PIAS4: variants seen among roughly 807,000 people sequenced by gnomAD.
PIAS4 encodes the protein E3 SUMO-protein ligase PIAS4.
In PIAS4, 7 loss-of-function variants were observed where a neutral mutation model predicts 58.0. That is an observed-to-expected ratio of 0.12 (90% CI 0.07 to 0.23). PIAS4 has a LOEUF of 0.23. PIAS4 is among the 10% of genes least tolerant of loss of function. The pLI is 1.00. For synonymous variants in PIAS4, 364 were observed against 312.4 expected (o/e 1.17, Z -1.74); for missense variants, 550 against 709.5 (o/e 0.78, Z 2.55).
In PIAS4 at chr19:4,013,685, G is replaced by A. The variant is rs534980715; in HGVS notation, c.454+336G>A. ...CTGGAGCCACCTCATCTGGAGGCTC[G>A]ACCAGGGCTGGAGCAGGCACATCCT... On this transcript the variant is annotated intron_variant, in intron 2 of 10. Transcript: ENST00000262971. This position sits in a 1 kb window ranked among gnomAD's most constrained non-coding sequence, Gnocchi z 5.1. Among the ~76,000 whole-genome samples the A allele has an allele frequency of 1.3e-5, 2 of 152,200 alleles. No individual in the cohort carries two copies. Among genetic ancestry groups the A allele is most frequent in the Admixed American group, 6.5e-5 (1 of 15,302 alleles).
rs1212472542 is a variant in PIAS4 at position 4,021,254 on chromosome 19, G to T, written c.455-2782G>T. Among the ~76,000 whole-genome samples the T allele has an allele frequency of 3.3e-5, 5 of 152,086 alleles. No individual in the cohort carries two copies. The East Asian group carries it at 9.6e-4, about 29-fold the overall frequency. Reference sequence around the variant, plus strand: ...TGCAACCTCCGCCTTCTGGGTTTAAGCGATTCTCCTCAGCCTCCCGAGTAG... The same window carrying T: ...TGCAACCTCCGCCTTCTGGGTTTAATCGATTCTCCTCAGCCTCCCGAGTAG... On this transcript the variant is annotated intron_variant, in intron 2 of 10. Coordinates refer to ENST00000262971, the MANE Select transcript of PIAS4 (RefSeq NM_015897.4).
rs1021112005 is a variant in PIAS4, at chr19:4,010,386, C to T, written c.28-2537C>T. ...GCAGGTTCCCCAGCCCACCTGCCTT[C>T]GGCCAGTCTGCCAGTGTGAAGTGTC... On this transcript the variant is annotated intron_variant, in intron 1 of 10. Coordinates refer to ENST00000262971, the MANE Select transcript of PIAS4 (RefSeq NM_015897.4). Among the ~76,000 whole-genome samples the T allele has an allele frequency of 3.9e-5, 6 of 152,240 alleles. No homozygotes were observed. In the East Asian group the frequency reaches 5.8e-4, roughly 15 times the overall value.
intron 2 of PIAS4, among the ~76,000 whole-genome samples, chr19:4,021,735 TC>T (rs1332175969): frequency 2.7e-5 from 4 of 149,056 alleles, no homozygotes; most frequent in South Asian, 2.1e-4. Flanking sequence ...ACCTGCATTT[TC>T]TTTTTCTTTT....
intron 9 of PIAS4, among the ~76,000 whole-genome samples, chr19:4,035,867 C>T (rs1338391863): frequency 4.2e-4 from 5 of 12,024 alleles, no homozygotes; most frequent in Admixed American, 1.2e-3. Flanking sequence ...CAGTCCACAC[C>T]GTCTCACACA....
chr19:4,023,171 TC>T (rs1277922327), intron 2 of PIAS4, among the ~76,000 whole-genome samples: 10 of 63,228 alleles, frequency 1.6e-4, no homozygotes, highest in Non-Finnish European at 2.8e-4. Flanking sequence ...AAACAAAGTC[TC>T]AAAAAAAAAA....
intron 6 of PIAS4, 37 bp downstream of exon 6, chr19:4,028,885 C>T (rs371690005): frequency 2.4e-5 from 38 of 1,594,748 alleles, no homozygotes; most frequent in East Asian, 4.5e-5. Context: ...TGCCCCCCAA[C>T]CCCGGCCCCG....
chr19:4,015,112 G>A (rs1207709772), intron 2 of PIAS4, among the ~76,000 whole-genome samples: 1 of 152,226 alleles, frequency 6.6e-6, no homozygotes, highest in African/African-American at 2.4e-5. Flanking sequence ...CAGGGTCTTG[G>A]CCTGAGTTCC....
At chr19:4,028,293 C>G in intron 4 of PIAS4, 106 bp downstream of exon 4, 6 of 940,464 alleles carry the variant, frequency 6.4e-6, no homozygotes, top group Non-Finnish European at 9.7e-6. Flanking sequence ...CTGCTAACAG[C>G]AGAGCCCAGC....
At chr19:4,025,391 G>A (rs1047436438) in intron 3 of PIAS4, among the ~76,000 whole-genome samples, 2 of 152,384 alleles carry the variant, frequency 1.3e-5, no homozygotes, top group South Asian at 2.1e-4. Flanking sequence ...AGCTGAGACA[G>A]ATTCCTGCTG....
In PIAS4 at chr19:4,038,046, G is replaced by C; in HGVS notation, c.*171G>C. On this transcript the variant is annotated 3_prime_UTR_variant, in exon 11 of 11. Coordinates refer to ENST00000262971, the MANE Select transcript of PIAS4 (RefSeq NM_015897.4). The surrounding 1 kb of genome is among the most constrained non-coding windows in gnomAD (Gnocchi z 4.1). Reference sequence around the variant, plus strand: ...TGTACCTCTGGACTCTCCTATCGGGGGATTAAAAAAAAAAGTAAAATGACA... The same window carrying C: ...TGTACCTCTGGACTCTCCTATCGGGCGATTAAAAAAAAAAGTAAAATGACA... The C allele has an allele frequency of 1.9e-6, 1 of 524,108 alleles. No individual in the cohort carries two copies. The highest frequency in any genetic ancestry group is 3.2e-6 in the Non-Finnish European group (1 of 315,128). 32.5% of individuals were successfully genotyped at this position (524,108 alleles called of 1,614,324 possible).
intron 2 of PIAS4, among the ~76,000 whole-genome samples, chr19:4,017,085 G>A (rs1049208968): frequency 6.6e-6 from 1 of 152,186 alleles, no homozygotes; most frequent in Non-Finnish European, 1.5e-5. Context: ...GGCACGGAGC[G>A]TCCTGTGTCA....
intron 3 of PIAS4, among the ~76,000 whole-genome samples, chr19:4,026,146 T>C (rs2040162154): frequency 6.7e-6 from 1 of 149,852 alleles, no homozygotes; most frequent in Admixed American, 6.6e-5. Flanking sequence ...TTTTTCTTTT[T>C]TTTTTTTGAA....
chr19:4,026,172 C>T (rs1360600357), intron 3 of PIAS4, among the ~76,000 whole-genome samples: 1 of 140,742 alleles, frequency 7.1e-6, no homozygotes, highest in African/African-American at 2.8e-5. Context: ...GTCGCTCTGT[C>T]GCCAGGCTGG....
In PIAS4 at chr19:4,020,625, C is replaced by T. The variant is rs546841344; in HGVS notation, c.455-3411C>T. Among the ~76,000 whole-genome samples, 5 of 152,298 alleles carry T rather than the reference C, an allele frequency of 3.3e-5. No individual in the cohort carries two copies. In the East Asian group the frequency reaches 9.7e-4, roughly 29 times the overall value. On this transcript the variant is annotated intron_variant, in intron 2 of 10. Coordinates refer to ENST00000262971, the MANE Select transcript of PIAS4 (RefSeq NM_015897.4). The stretch of plus-strand genomic sequence containing the variant: ...GCTGCTCAGCGTTTTTGCTTTGTAT[C>T]TAAATATATTTTTTAATGTAGACAC...
intron 1 of PIAS4, among the ~76,000 whole-genome samples, chr19:4,011,506 G>A (rs1436144253): frequency 5.3e-5 from 8 of 152,378 alleles, no homozygotes; most frequent in African/African-American, 1.9e-4. Flanking sequence ...GGAGAGGCCC[G>A]GCCAGGCGAT....
chr19:4,024,146 C>A, intron 3 of PIAS4, 26 bp downstream of exon 3: 2 of 1,553,326 alleles, frequency 1.3e-6, no homozygotes, highest in Non-Finnish European at 1.8e-6. Flanking sequence ...CCCAGCCCAG[C>A]ACCCCACCGC....
In PIAS4 at chr19:4,038,143, G is replaced by A; in HGVS notation, c.*268G>A. 1 of 406,340 alleles carries A rather than the reference G, an allele frequency of 2.5e-6. No homozygotes were observed. Among genetic ancestry groups the A allele is most frequent in the South Asian group, 2.6e-5 (1 of 38,186 alleles). 25.2% of individuals were successfully genotyped at this position (406,340 alleles called of 1,614,324 possible). A position where few individuals can be genotyped will look rare whatever the true frequency, so the allele number is the denominator to read the frequency against. On this transcript the variant is annotated 3_prime_UTR_variant, in exon 11 of 11. Coordinates refer to ENST00000262971, the MANE Select transcript of PIAS4 (RefSeq NM_015897.4). The surrounding 1 kb of genome is among the most constrained non-coding windows in gnomAD (Gnocchi z 4.1). ...AAAAACAAGGCCGGCCACCCACACA[G>A]CCGCCTCCCCGGCTGGAGTCCGAGC...
rs1418692040 is a variant in PIAS4, at chr19:4,028,581, A to G, written c.653A>G (p.His218Arg). 5 of 1,612,824 alleles carry G rather than the reference A, an allele frequency of 3.1e-6. No homozygotes were observed. Among genetic ancestry groups the G allele is most frequent in the Non-Finnish European group, 4.2e-6 (5 of 1,179,858 alleles). ...YPPNIAVKVNHSYCSVPGYYP... is the reference protein window; with the variant it reads ...YPPNIAVKVNRSYCSVPGYYP... ...CCCAACATCGCTGTGAAGGTCAACCACAGCTACTGCTCCGTCCCGGTGAGC... is the reference window on the plus strand; with the variant it reads ...CCCAACATCGCTGTGAAGGTCAACCGCAGCTACTGCTCCGTCCCGGTGAGC... Residue 218 changes from histidine to arginine, a missense_variant, in exon 5 of 11, where the codon CAC becomes CGC. Around this residue, in one of 4 missense-constraint regions of PIAS4, gnomAD observed 225 missense variants for 345.8 expected, o/e 0.65. Transcript: ENST00000262971.
chr19:4,022,582 G>A (rs1366135272), intron 2 of PIAS4, among the ~76,000 whole-genome samples: 2 of 151,828 alleles, frequency 1.3e-5, no homozygotes, highest in African/African-American at 4.8e-5. Flanking sequence ...TAGCCAGGAT[G>A]GTCTCGATCT....
Sources: gnomAD v4.1 joint callset for allele counts (sites outside exome capture counted in the v4.1 genomes callset) on GRCh38, gnomAD v4.1.1 for gene constraint, gnomAD v4.1.1 regional missense constraint, Gnocchi (gnomAD v3.1) non-coding constraint, MANE v1.5 for transcripts, NCBI Gene and HGNC (gene_info 2026-07-23, HGNC 2026-07-21) for gene names.